PTPRM: variants seen among roughly 807,000 people sequenced by gnomAD.
The protein encoded by PTPRM is receptor-type tyrosine-protein phosphatase mu.
In PTPRM, 47 loss-of-function variants were observed where a neutral mutation model predicts 186.7. The observed-to-expected ratio is 0.25, with a 90% CI of 0.20 to 0.32. PTPRM has a LOEUF of 0.32. Ranked by LOEUF, PTPRM falls within the 10% of genes least tolerant of loss-of-function variation. The pLI, the probability that PTPRM is intolerant of heterozygous loss-of-function variation, is 1.00. For missense variants in PTPRM, 1,494 were observed against 1,865.0 expected, an observed-to-expected ratio of 0.80 and a Z score of 3.66; for synonymous variants, 668 against 674.9, an observed-to-expected ratio of 0.99 and a Z score of 0.16.
At chr18:8,269,153 T>C (rs113538992) in intron 19 of PTPRM, among the ~76,000 whole-genome samples, 2,023 of 152,064 alleles carry the variant, frequency 0.013, 46 homozygotes, top group African/African-American at 0.046. Context: ...TGATCTTATA[T>C]ATAGAAATAC....
Position 8,376,029 on chromosome 18 carries a change from C to T in PTPRM, c.3172-17C>T. 1 of 1,596,820 alleles carries T rather than the reference C, an allele frequency of 6.3e-7. No individual in the cohort carries two copies. The highest frequency in any genetic ancestry group is 8.6e-7 in the Non-Finnish European group (1 of 1,165,864). On this transcript the variant is annotated splice_polypyrimidine_tract_variant and intron_variant, in intron 24 of 32. Transcript: ENST00000580170. Reference sequence around the variant, plus strand: ...TCCCTTGTTCTCTTCCTTGTTCTGGCTAACCAACTACTGCAGAGAGGTGTG... The same window carrying T: ...TCCCTTGTTCTCTTCCTTGTTCTGGTTAACCAACTACTGCAGAGAGGTGTG...
chr18:7,725,654 C>T (rs1412443751), intron 1 of PTPRM, among the ~76,000 whole-genome samples: 1 of 151,644 alleles, frequency 6.6e-6, no homozygotes, highest in Non-Finnish European at 1.5e-5. Context: ...AGCAGCTTAA[C>T]CTCGGAGGGA....
Position 8,403,359 on chromosome 18 carries a change from G to A in PTPRM, c.4345-2750G>A, listed in dbSNP as rs183124016. 1.5e-3 allele frequency: 229 copies of A among 152,226 alleles called. 2 individuals are homozygous for A. The highest frequency in any genetic ancestry group is 5.2e-3 in the African/African-American group (218 of 41,532). 9.4% of individuals were successfully genotyped at this position (152,226 alleles called of 1,614,324 possible). On this transcript the variant is annotated intron_variant, in intron 32 of 32. Coordinates refer to ENST00000580170, the MANE Select transcript of PTPRM (RefSeq NM_001105244.2). ...TTTCCCCTTTTAGATGGAAATAATA[G>A]ACACTGGGAACTCCAAAAGAGCAGG...
chr18:7,868,003 T>C (rs1238877775), intron 2 of PTPRM, among the ~76,000 whole-genome samples: 1 of 152,190 alleles, frequency 6.6e-6, no homozygotes, highest in African/African-American at 2.4e-5. Context: ...TTGATACTTG[T>C]GTATGCTTCA....
intron 13 of PTPRM, among the ~76,000 whole-genome samples, chr18:8,127,157 G>A (rs904495726): frequency 4.6e-5 from 7 of 151,454 alleles, no homozygotes; most frequent in Non-Finnish European, 8.8e-5. Context: ...CAACACACTG[G>A]AAAAAAAAGA....
intron 1 of PTPRM, among the ~76,000 whole-genome samples, chr18:7,769,190 G>GT (rs2042158619): frequency 6.6e-6 from 1 of 152,084 alleles, no homozygotes; most frequent in African/African-American, 2.4e-5. Context: ...GGTGAGGGTA[G>GT]TTGTGTATCT....
At chr18:8,266,966 T>G (rs57692565) in intron 19 of PTPRM, among the ~76,000 whole-genome samples, 10,406 of 152,258 alleles carry the variant, frequency 0.068, 411 homozygotes, top group Middle Eastern at 0.13. Context: ...TTTTAAAAAC[T>G]TCTTCACTCC....
Position 8,252,537 on chromosome 18 carries a change from G to A in PTPRM, c.2566+38G>A. The A allele has an allele frequency of 3.9e-6, 6 of 1,527,450 alleles. 1 individual carries two copies. The highest frequency in any genetic ancestry group is 5.4e-6 in the Non-Finnish European group (6 of 1,101,220). The allele number at this position is 1,527,450 out of a possible 1,614,324, so 94.6% of individuals were successfully genotyped here. A position where few individuals can be genotyped will look rare whatever the true frequency, so the allele number is the denominator to read the frequency against. ...ATTCGCCCCATGGAAGAGTTGTGGA[G>A]GGAGTGGGAGTGTGTGTCTTACTGG... On this transcript the variant is annotated intron_variant, in intron 18 of 32. Coordinates refer to ENST00000580170, the MANE Select transcript of PTPRM (RefSeq NM_001105244.2).
At chr18:8,200,731 A>C (rs1317349778) in intron 14 of PTPRM, among the ~76,000 whole-genome samples, 1 of 152,258 alleles carries the variant, frequency 6.6e-6, no homozygotes. Context: ...TAAAAATAGT[A>C]CAAAAAATTG....
intron 1 of PTPRM, among the ~76,000 whole-genome samples, chr18:7,627,854 T>C (rs1417923218): frequency 6.6e-6 from 1 of 152,060 alleles, no homozygotes; most frequent in African/African-American, 2.4e-5. Context: ...GGAAATGGGG[T>C]GTTGTGCGGT....
At chr18:7,780,340 G>T (rs1277265443) in intron 2 of PTPRM, among the ~76,000 whole-genome samples, 1 of 152,178 alleles carries the variant, frequency 6.6e-6, no homozygotes, top group Non-Finnish European at 1.5e-5. Flanking sequence ...ATGGCACAAC[G>T]ACAGCCTTCA....
intron 19 of PTPRM, among the ~76,000 whole-genome samples, chr18:8,260,060 G>C (rs58815239): frequency 0.12 from 17,698 of 152,206 alleles, 1,072 homozygotes; most frequent in Middle Eastern, 0.21. Context: ...AAAAGGTTCT[G>C]CAAGCTGGGA....
At chr18:8,349,877 T>A (rs2095525178) in intron 23 of PTPRM, among the ~76,000 whole-genome samples, 1 of 152,234 alleles carries the variant, frequency 6.6e-6, no homozygotes, top group African/African-American at 2.4e-5. Context: ...AGTAGCAGCG[T>A]CCCCACTGGT....
intron 5 of PTPRM, among the ~76,000 whole-genome samples, chr18:7,944,107 A>G (rs1391079985): frequency 6.6e-6 from 1 of 151,934 alleles, no homozygotes; most frequent in Non-Finnish European, 1.5e-5. Context: ...ATTTAGTAGA[A>G]CCTCATTTTT....
chr18:7,978,308 A>G (rs1024874349), intron 7 of PTPRM, among the ~76,000 whole-genome samples: 47 of 152,310 alleles, frequency 3.1e-4, no homozygotes, highest in African/African-American at 1.1e-3. Context: ...ACACCGAGAG[A>G]TATTTATCTG....
At chr18:8,352,977 G>A (rs962481686) in intron 23 of PTPRM, among the ~76,000 whole-genome samples, 5 of 151,926 alleles carry the variant, frequency 3.3e-5, no homozygotes, top group African/African-American at 1.2e-4. Context: ...GCCCGATTTC[G>A]TTTTTTATGG....
At chr18:7,697,780 T>C (rs1402799170) in intron 1 of PTPRM, among the ~76,000 whole-genome samples, 1 of 152,188 alleles carries the variant, frequency 6.6e-6, no homozygotes, top group Non-Finnish European at 1.5e-5. Context: ...ATAGAGGATG[T>C]CATGCCAGTC....
At chr18:8,379,054 A>G (rs1292557795) in intron 27 of PTPRM, 113 bp from the exon 28 acceptor site, 9 of 807,170 alleles carry the variant, frequency 1.1e-5, no homozygotes, top group African/African-American at 1.8e-5. Flanking sequence ...AGGGAGGGGG[A>G]AGGGACCGTC....
intron 8 of PTPRM, among the ~76,000 whole-genome samples, chr18:8,072,225 A>G (rs931717880): frequency 1.3e-5 from 2 of 152,200 alleles, no homozygotes; most frequent in Non-Finnish European, 2.9e-5. Context: ...TTAATAAACA[A>G]TAATGGTTAC....
Sources: gnomAD v4.1 joint callset for allele counts (sites outside exome capture counted in the v4.1 genomes callset) on GRCh38, gnomAD v4.1.1 for gene constraint, MANE v1.5 for transcripts, NCBI Gene and HGNC (gene_info 2026-07-23, HGNC 2026-07-21) for gene names.